Variants in CASP6 observed in about 807,000 individuals in gnomAD.
The protein encoded by CASP6 is caspase-6.
CASP6 carries 20 observed loss-of-function variants against 31.8 expected under a neutral mutation model. The ratio of observed to expected loss-of-function variants is 0.63; its 90% CI spans 0.44 to 0.91. The LOEUF (loss-of-function observed/expected upper bound fraction) is 0.91, where lower values mean the gene tolerates loss of function less well. Ranked by LOEUF, CASP6 falls within the 40% of genes least tolerant of loss-of-function variation. The pLI is 0.00. For synonymous variants in CASP6, 130 were observed against 127.8 expected, an observed-to-expected ratio of 1.02 and a Z score of -0.12; for missense variants, 328 against 361.1, an observed-to-expected ratio of 0.91 and a Z score of 0.74.
downstream of CASP6, chr4:109,684,631 T>C (rs373191930): frequency 1.9e-5 from 29 of 1,497,204 alleles, no homozygotes; most frequent in South Asian, 2.7e-4. Context: ...TTGCATACTT[T>C]ATAGTCACTC....
At chr4:109,703,100 C>T (rs3181339) in intron 1 of CASP6, among the ~76,000 whole-genome samples, 1 of 152,182 alleles carries the variant, frequency 6.6e-6, no homozygotes, top group Non-Finnish European at 1.5e-5. Flanking sequence ...CACGCCCCGG[C>T]GCCGGCGTCG....
At chr4:109,688,573 A>G (rs1729912037), downstream of CASP6, 1 of 152,212 alleles carries the variant, frequency 6.6e-6, no homozygotes, top group Admixed American at 6.5e-5. Context: ...AGTAAAAAAC[A>G]TCTATCAATT....
chr4:109,705,868 A>C (rs1438545736), upstream of CASP6, among the ~76,000 whole-genome samples: 3 of 145,528 alleles, frequency 2.1e-5, no homozygotes, highest in African/African-American at 7.6e-5. Flanking sequence ...TATTCCCAGC[A>C]ACTCAGGACA....
chr4:109,665,752 C>T, the CASP6 span, among the ~76,000 whole-genome samples: 3 of 152,028 alleles, frequency 2.0e-5, no homozygotes, highest in Non-Finnish European at 4.4e-5. Flanking sequence ...AGATGCAGAA[C>T]CCACAAATAA....
chr4:109,684,341 C>T (rs992383016), downstream of CASP6: 8 of 852,340 alleles, frequency 9.4e-6, no homozygotes, highest in East Asian at 2.7e-5. Context: ...AGATTACAGG[C>T]GTGAGCCACC....
downstream of CASP6, among the ~76,000 whole-genome samples, chr4:109,683,679 T>C (rs1261008405): frequency 6.6e-6 from 1 of 152,224 alleles, no homozygotes; most frequent in Non-Finnish European, 1.5e-5. Flanking sequence ...TCTCTCCTTA[T>C]TGGCACAGAG....
At chr4:109,674,050 T>A in the CASP6 span, 1 of 1,370,130 alleles carries the variant, frequency 7.3e-7, no homozygotes, top group Non-Finnish European at 1.0e-6. Flanking sequence ...AGCCCAAGGC[T>A]TTGTTGTAGG....
At chr4:109,705,767 A>T (rs771711316), upstream of CASP6, among the ~76,000 whole-genome samples, 2 of 150,446 alleles carry the variant, frequency 1.3e-5, no homozygotes, top group Admixed American at 6.6e-5. Context: ...TGAGGCCAGG[A>T]GTTTTGAGAC....
intron 6 of CASP6, 84 bp from the exon 7 acceptor site, chr4:109,689,652 G>A (rs1230541589): frequency 7.9e-7 from 1 of 1,266,962 alleles, no homozygotes; most frequent in Non-Finnish European, 1.1e-6. Flanking sequence ...AGAAGTATAA[G>A]TTCTTAAAAA....
chr4:109,705,996 AAAAAAATATATAT>A (rs1200841941), upstream of CASP6, among the ~76,000 whole-genome samples: 10 of 64,544 alleles, frequency 1.5e-4, no homozygotes, highest in African/African-American at 7.1e-4. Flanking sequence ...AAAAAAAAAA[AAAAAAATATATAT>A]ATATATATAT....
At chr4:109,680,140 C>T in the CASP6 span, among the ~76,000 whole-genome samples, 1 of 152,114 alleles carries the variant, frequency 6.6e-6, no homozygotes, top group African/African-American at 2.4e-5. Context: ...CCTGTCTTCT[C>T]AAGGACTTGG....
At chr4:109,672,413 T>A in the CASP6 span, among the ~76,000 whole-genome samples, 3 of 152,204 alleles carry the variant, frequency 2.0e-5, no homozygotes, top group Non-Finnish European at 4.4e-5. Flanking sequence ...TCAATGCTAG[T>A]TTACACTGAG....
At chr4:109,697,472 G>A (rs1730281621) in intron 3 of CASP6, 150 bp downstream of exon 3, 2 of 797,424 alleles carry the variant, frequency 2.5e-6, no homozygotes, top group South Asian at 2.1e-5. Flanking sequence ...TCACTCTGTT[G>A]CCCAGACTTG....
At chr4:109,693,169 A>G (rs957982155) in intron 5 of CASP6, among the ~76,000 whole-genome samples, 1 of 152,240 alleles carries the variant, frequency 6.6e-6, no homozygotes, top group East Asian at 1.9e-4. Flanking sequence ...TTCCACCATA[A>G]TTGTAAGCTT....
At chr4:109,703,243 A>C (rs1730483994) in intron 1 of CASP6, 113 bp downstream of exon 1, 5 of 1,257,556 alleles carry the variant, frequency 4.0e-6, no homozygotes, top group Non-Finnish European at 5.5e-6. Context: ...GCAAAGCCGA[A>C]GGAACCCGCG....
chr4:109,666,094 T>C, the CASP6 span, among the ~76,000 whole-genome samples: 1 of 152,212 alleles, frequency 6.6e-6, no homozygotes, highest in South Asian at 2.1e-4. Flanking sequence ...TTTCACTTAG[T>C]AATATGCATT....
At chr4:109,669,992 T>C in the CASP6 span, among the ~76,000 whole-genome samples, 1 of 152,256 alleles carries the variant, frequency 6.6e-6, no homozygotes, top group Non-Finnish European at 1.5e-5. Flanking sequence ...GTCCGATAAT[T>C]CCAATGTTCC....
chr4:109,669,813 A>G, the CASP6 span, among the ~76,000 whole-genome samples: 1 of 152,068 alleles, frequency 6.6e-6, no homozygotes, highest in Non-Finnish European at 1.5e-5. Flanking sequence ...TAACAAGCCC[A>G]TTAAAGGCCT....
Position 109,689,358 on chromosome 4 carries a change from T to A in CASP6, c.854A>T (p.Lys285Met), listed in dbSNP as rs1368297780. The A allele has an allele frequency of 6.2e-7, 1 of 1,614,018 alleles. No homozygotes were observed. The highest frequency in any genetic ancestry group is 1.3e-5 in the African/African-American group (1 of 74,928). ...VPCFASMLTK[K>M]LHFFPKSN ...ATTAGATTTTGGAAAGAAATGCAGCTTTTTAGTTAGCATTGAGGCAAAACA... is the reference window on the plus strand; with the variant it reads ...ATTAGATTTTGGAAAGAAATGCAGCATTTTAGTTAGCATTGAGGCAAAACA... The change falls in exon 7 of 7, where the codon AAG becomes ATG. Residue 285 changes from lysine (K) to methionine (M), a missense_variant. By Grantham distance (95) the Lys-to-Met change is moderately conservative (BLOSUM62 -1). Coordinates refer to ENST00000265164, the MANE Select transcript of CASP6 (RefSeq NM_001226.4).
Sources: gnomAD v4.1 joint callset for allele counts (sites outside exome capture counted in the v4.1 genomes callset) on GRCh38, gnomAD v4.1.1 for gene constraint, MANE v1.5 for transcripts, NCBI Gene and HGNC (gene_info 2026-07-23, HGNC 2026-07-21) for gene names.